The following RELN variants were observed in gnomAD, a reference collection of about 807,000 sequenced individuals.
The protein encoded by RELN is reelin.
In RELN, 108 loss-of-function variants were observed where a neutral mutation model predicts 427.6. The observed-to-expected ratio is 0.25, with a 90% confidence interval of 0.22 to 0.30. The LOEUF (loss-of-function observed/expected upper bound fraction) is 0.30. RELN is among the 10% of genes least tolerant of loss of function. The probability of loss-of-function intolerance (pLI) is 1.00; values close to 1 mark genes in which losing one functional copy is unlikely to be tolerated. For missense variants in RELN, 3,715 were observed against 4,302.8 expected, an observed-to-expected ratio of 0.86 and a Z score of 3.82; for synonymous variants, 1,524 against 1,513.4, an observed-to-expected ratio of 1.01 and a Z score of -0.16.
chr7:103,846,958 T>C (rs1793693551), intron 2 of RELN, among the ~76,000 whole-genome samples: 1 of 152,116 alleles, frequency 6.6e-6, no homozygotes, highest in Non-Finnish European at 1.5e-5. Context: ...TAGGAATGCT[T>C]TTACTGTTGG....
intron 3 of RELN, among the ~76,000 whole-genome samples, chr7:103,800,319 C>A (rs542342257): frequency 1.3e-5 from 2 of 152,260 alleles, no homozygotes; most frequent in African/African-American, 4.8e-5. Flanking sequence ...GTGCAAAAAT[C>A]AAAGCATTCT....
At chr7:103,868,414 A>G (rs1259423372) in intron 2 of RELN, among the ~76,000 whole-genome samples, 2 of 152,090 alleles carry the variant, frequency 1.3e-5, no homozygotes, top group African/African-American at 4.8e-5. Context: ...ATTTTGTTAA[A>G]TTTTATTGTA....
In RELN at chr7:103,726,252, C is replaced by T. The variant is rs116686159; in HGVS notation, c.753+1859G>A. The stretch of plus-strand genomic sequence containing the variant: ...TATTTTTGCTTCAGGAACACCAATA[C>T]AGTATAAAAATTATGAAAAATTAGA... On this transcript the variant is annotated intron_variant, in intron 7 of 64. Coordinates refer to ENST00000428762, the MANE Select transcript of RELN (RefSeq NM_005045.4). 9.7e-3 allele frequency among the ~76,000 whole-genome samples: 1,471 copies of T among 152,202 alleles called. 27 individuals are homozygous for T. Among genetic ancestry groups the T allele is most frequent in the African/African-American group, 0.033 (1,387 of 41,518 alleles).
At chr7:103,720,651 G>T (rs964625574) in intron 8 of RELN, among the ~76,000 whole-genome samples, 3 of 151,978 alleles carry the variant, frequency 2.0e-5, no homozygotes, top group Non-Finnish European at 4.4e-5. Context: ...TATAATTTTT[G>T]AACTGAGTAT....
intron 2 of RELN, among the ~76,000 whole-genome samples, chr7:103,887,904 A>G (rs1031479069): frequency 6.6e-6 from 1 of 152,216 alleles, no homozygotes; most frequent in Non-Finnish European, 1.5e-5. Flanking sequence ...CTCTCATTAC[A>G]TACAGCCATA....
chr7:103,950,752 T>C (rs148418542), intron 1 of RELN, among the ~76,000 whole-genome samples: 8 of 152,364 alleles, frequency 5.3e-5, no homozygotes, highest in African/African-American at 1.7e-4. Context: ...GGAACAGTTG[T>C]GATGAAGACA....
At chr7:103,818,650 TCACAAAG>T (rs1792941821) in intron 3 of RELN, among the ~76,000 whole-genome samples, 1 of 152,146 alleles carries the variant, frequency 6.6e-6, no homozygotes, top group Admixed American at 6.6e-5. Flanking sequence ...AGGTTGTTCT[TCACAAAG>T]CTGTACAATA....
At chr7:103,499,756 TAGA>T (rs1300751286) in intron 53 of RELN, among the ~76,000 whole-genome samples, 2 of 152,198 alleles carry the variant, frequency 1.3e-5, no homozygotes, top group Non-Finnish European at 2.9e-5. Context: ...AAACTTTCAT[TAGA>T]AGATTTTAAT....
chr7:103,890,939 G>A (rs1416925588), intron 2 of RELN, among the ~76,000 whole-genome samples: 1 of 152,150 alleles, frequency 6.6e-6, no homozygotes, highest in Non-Finnish European at 1.5e-5. Flanking sequence ...AGCTGGGCAT[G>A]GTGGTGCGCA....
intron 19 of RELN, among the ~76,000 whole-genome samples, chr7:103,631,311 T>TTTTTTTA (rs1832462353): frequency 8.0e-6 from 1 of 125,294 alleles, no homozygotes. Flanking sequence ...TTTTTTTTTT[T>TTTTTTTA]GAGATGGAGT....
At chr7:103,936,140 T>C (rs1486798404) in intron 1 of RELN, among the ~76,000 whole-genome samples, 2 of 147,174 alleles carry the variant, frequency 1.4e-5, no homozygotes, top group Non-Finnish European at 3.0e-5. Flanking sequence ...TCACCCAGGC[T>C]GGAGTGCAGT....
chr7:103,743,963 C>T (rs375650803), intron 6 of RELN, among the ~76,000 whole-genome samples: 1 of 152,084 alleles, frequency 6.6e-6, no homozygotes, highest in Non-Finnish European at 1.5e-5. Context: ...AATATACATT[C>T]TTTTCAGCAC....
chr7:103,727,905 T>C lies in RELN; in HGVS notation c.753+206A>G, dbSNP rs3213612. On this transcript the variant is annotated intron_variant, in intron 7 of 64. Transcript: ENST00000428762. Reference sequence around the variant, plus strand: ...CATGTTTAATGATATCCATTGATGCTGACAATTTTATTACTGAATTATTTA... The same window carrying C: ...CATGTTTAATGATATCCATTGATGCCGACAATTTTATTACTGAATTATTTA... Among the ~76,000 whole-genome samples, 23,616 of 149,132 alleles carry C rather than the reference T, an allele frequency of 0.16. 2,094 individuals carry two copies. Among genetic ancestry groups the C allele is most frequent in the East Asian group, 0.32 (1,569 of 4,948 alleles).
intron 28 of RELN, among the ~76,000 whole-genome samples, chr7:103,584,633 A>G (rs941199137): frequency 2.6e-5 from 4 of 152,168 alleles, no homozygotes; most frequent in African/African-American, 7.2e-5. Context: ...TAACACCCCA[A>G]TGACATCACT....
intron 10 of RELN, among the ~76,000 whole-genome samples, chr7:103,684,769 T>C (rs567472397): frequency 3.4e-4 from 52 of 152,286 alleles, no homozygotes; most frequent in African/African-American, 1.1e-3. Flanking sequence ...GGAAATGCAT[T>C]TTGAAACTTC....
intron 20 of RELN, among the ~76,000 whole-genome samples, chr7:103,622,971 T>C (rs1832253469): frequency 6.6e-6 from 1 of 152,224 alleles, no homozygotes; most frequent in South Asian, 2.1e-4. Flanking sequence ...TAAATTAGTC[T>C]ATCAATAAAT....
chr7:103,612,573 C>G (rs1045687151), intron 20 of RELN, among the ~76,000 whole-genome samples: 29 of 152,066 alleles, frequency 1.9e-4, no homozygotes, highest in African/African-American at 6.0e-4. Flanking sequence ...CCGCGCCCAG[C>G]CTGAAATAAG....
rs766731615 is a variant in RELN, at chr7:103,596,432, G to A, written c.3539+24C>T. On this transcript the variant is annotated intron_variant, in intron 25 of 64. Coordinates refer to ENST00000428762, the MANE Select transcript of RELN (RefSeq NM_005045.4). ...CTTTACCATTCCTGGAAACTAATGC[G>A]AGGACCATCAGGTGGGTAGTTACCT... 1.0e-5 allele frequency: 16 copies of A among 1,584,936 alleles called. No individual in the cohort carries two copies. In the East Asian group the frequency reaches 1.1e-4, roughly 11 times the overall value.
At position 103,566,751 on chromosome 7, in the gene RELN, C is replaced by A; in HGVS notation, c.4597G>T (p.Val1533Phe). 1 of 1,613,940 alleles carries A rather than the reference C, an allele frequency of 6.2e-7. No individual in the cohort carries two copies. ...ATCCCATTGTCATTTGAATACTGAA[C>A]AATAAGCCCTGAGTTAAAAGACATA... ...KPRTRNEGLI[V>F]QYSNDNGILW... Residue 1533 changes from valine to phenylalanine, a missense_variant, in exon 32 of 65, where the codon GTT (valine) becomes TTT (phenylalanine). Physicochemically the swap from Val to Phe is conservative, Grantham distance 50. This residue lies in a region of RELN where 2,208 missense variants were observed against 2,361.7 expected (regional missense o/e 0.93). Transcript: ENST00000428762.
Sources: gnomAD v4.1 joint callset for allele counts (sites outside exome capture counted in the v4.1 genomes callset) on GRCh38, gnomAD v4.1.1 for gene constraint, gnomAD v4.1.1 regional missense constraint, MANE v1.5 for transcripts, NCBI Gene and HGNC (gene_info 2026-07-23, HGNC 2026-07-21) for gene names.